Variants in RPS6KA2 observed in about 807,000 individuals in gnomAD.
RPS6KA2 encodes ribosomal protein S6 kinase alpha-2.
A neutral mutation model predicts 91.8 loss-of-function variants in RPS6KA2; 42 were observed. That is an observed-to-expected ratio of 0.46 (90% CI 0.36 to 0.59). RPS6KA2 has a LOEUF of 0.59. RPS6KA2 is among the 20% of genes least tolerant of loss of function. The pLI is 0.00. For missense variants in RPS6KA2, 798 were observed against 978.5 expected (o/e 0.82, Z 2.46); for synonymous variants, 414 against 393.6 (o/e 1.05, Z -0.61).
intron 2 of RPS6KA2, among the ~76,000 whole-genome samples, chr6:166,856,292 T>A (rs539657506): frequency 3.1e-4 from 47 of 152,272 alleles, no homozygotes; most frequent in Non-Finnish European, 5.9e-4. Context: ...AGTGTCCTTA[T>A]CAAACAGACC....
At chr6:166,764,886 A>G (rs1212657019) in intron 2 of RPS6KA2, among the ~76,000 whole-genome samples, 1 of 152,260 alleles carries the variant, frequency 6.6e-6, no homozygotes, top group African/African-American at 2.4e-5. Flanking sequence ...ACACATGTGT[A>G]TCAACACACA....
chr6:166,693,535 A>G (rs1176418524), intron 2 of RPS6KA2, among the ~76,000 whole-genome samples: 1 of 152,232 alleles, frequency 6.6e-6, no homozygotes, highest in Admixed American at 6.5e-5. Flanking sequence ...GGACTGCTCC[A>G]AGTCCACTTA....
chr6:166,640,156 G>T (rs1787380646), intron 2 of RPS6KA2, among the ~76,000 whole-genome samples: 1 of 152,020 alleles, frequency 6.6e-6, no homozygotes, highest in Non-Finnish European at 1.5e-5. Flanking sequence ...AAAAGGAAGG[G>T]AGTCAGCAGG....
At chr6:166,464,317 C>A (rs900349848) in intron 11 of RPS6KA2, among the ~76,000 whole-genome samples, 5 of 152,224 alleles carry the variant, frequency 3.3e-5, no homozygotes, top group African/African-American at 1.2e-4. Flanking sequence ...TCAGTCTCCT[C>A]TACAAGTTTC....
chr6:166,559,647 CG>C (rs1368803524), intron 1 of RPS6KA2, among the ~76,000 whole-genome samples: 1 of 152,060 alleles, frequency 6.6e-6, no homozygotes, highest in Non-Finnish European at 1.5e-5. Context: ...ATCCAGAATC[CG>C]AATTGAGTAA....
chr6:166,647,743 T>C (rs1483134984), intron 2 of RPS6KA2, among the ~76,000 whole-genome samples: 1 of 151,880 alleles, frequency 6.6e-6, no homozygotes, highest in Non-Finnish European at 1.5e-5. Flanking sequence ...AGGACACACA[T>C]ACATGCACAC....
intron 2 of RPS6KA2, among the ~76,000 whole-genome samples, chr6:166,686,830 C>A (rs746884341): frequency 5.9e-5 from 9 of 152,216 alleles, no homozygotes; most frequent in Non-Finnish European, 1.0e-4. Context: ...TCTGTGCATA[C>A]CTGGTGGATT....
intron 1 of RPS6KA2, among the ~76,000 whole-genome samples, chr6:166,609,501 G>C (rs1236819407): frequency 7.0e-6 from 1 of 143,710 alleles, no homozygotes; most frequent in Non-Finnish European, 1.5e-5. Flanking sequence ...ATTATCAAAA[G>C]TTTAATTTTT....
chr6:166,420,761 C>T (rs929345591), intron 17 of RPS6KA2, among the ~76,000 whole-genome samples: 13 of 152,204 alleles, frequency 8.5e-5, no homozygotes, highest in African/African-American at 3.1e-4. Flanking sequence ...CCCAGAAGTT[C>T]CATTCTGGGC....
At chr6:166,774,421 G>A (rs1778560078) in intron 2 of RPS6KA2, among the ~76,000 whole-genome samples, 1 of 152,196 alleles carries the variant, frequency 6.6e-6, no homozygotes, top group Non-Finnish European at 1.5e-5. Flanking sequence ...CTGGAGTGGT[G>A]CAGCCGTCTT....
intron 2 of RPS6KA2, among the ~76,000 whole-genome samples, chr6:166,672,973 A>G (rs1351177194): frequency 1.3e-5 from 2 of 152,136 alleles, no homozygotes; most frequent in African/African-American, 2.4e-5. Context: ...TGCTGCAGCC[A>G]GCTGATGTGC....
chr6:166,510,393 G>T (rs1165993929), intron 3 of RPS6KA2, 36 bp from the exon 4 acceptor site: 2 of 1,372,450 alleles, frequency 1.5e-6, no homozygotes, highest in South Asian at 1.3e-5. Context: ...TCATGAGGCA[G>T]GAAATAAGAG....
chr6:166,627,325 G>T (rs1482961441), upstream of RPS6KA2: 1 of 671,848 alleles, frequency 1.5e-6, no homozygotes, highest in Non-Finnish European at 1.8e-6. Flanking sequence ...GCCGCTCCGC[G>T]CCCCGGCACG....
chr6:166,515,004 C>T lies in RPS6KA2; in HGVS notation c.299-4647G>A, dbSNP rs3778420. On this transcript the variant is annotated intron_variant, in intron 3 of 20. Transcript: ENST00000265678. ...TGGAGCTTTGCTGGAAATACAGATG[C>T]GAACGCCCACCCCACAGCAGCAGCC... Among the ~76,000 whole-genome samples the T allele has an allele frequency of 1.9e-3, 287 of 152,224 alleles. 6 individuals carry two copies. The highest frequency in any genetic ancestry group is 0.015 in the East Asian group (76 of 5,170).
At chr6:166,471,580 C>T (rs1780771237) in intron 10 of RPS6KA2, among the ~76,000 whole-genome samples, 1 of 152,260 alleles carries the variant, frequency 6.6e-6, no homozygotes, top group South Asian at 2.1e-4. Flanking sequence ...GAAGGGCACA[C>T]ATTCAGGAGT....
intron 2 of RPS6KA2, among the ~76,000 whole-genome samples, chr6:166,787,579 T>G (rs781626143): frequency 6.6e-6 from 1 of 152,164 alleles, no homozygotes; most frequent in Non-Finnish European, 1.5e-5. Context: ...TTAAATTTAT[T>G]TTAAGCATTT....
At chr6:166,762,065 G>A (rs184506791) in intron 2 of RPS6KA2, among the ~76,000 whole-genome samples, 163 of 152,294 alleles carry the variant, frequency 1.1e-3, no homozygotes, top group Admixed American at 2.0e-3. Flanking sequence ...CTATCACGTG[G>A]AGGCCCTGGT....
intron 2 of RPS6KA2, among the ~76,000 whole-genome samples, chr6:166,678,684 C>T (rs566521920): frequency 1.3e-5 from 2 of 152,298 alleles, no homozygotes; most frequent in African/African-American, 4.8e-5. Flanking sequence ...GGAGAAGCAG[C>T]AAGGTGGGGT....
At chr6:166,582,092 G>C (rs377741171) in intron 1 of RPS6KA2, among the ~76,000 whole-genome samples, 16 of 143,734 alleles carry the variant, frequency 1.1e-4, no homozygotes, top group East Asian at 2.1e-4. Flanking sequence ...GACGCCCACT[G>C]GGCAGGTGGG....
Sources: allele counts gnomAD v4.1 joint callset (sites outside exome capture counted in the v4.1 genomes callset), GRCh38; gene constraint gnomAD v4.1.1; transcripts MANE v1.5; gene names NCBI Gene and HGNC (gene_info 2026-07-23, HGNC 2026-07-21).